The following DNAAF5 variants were observed in gnomAD, a reference collection of about 807,000 sequenced individuals.
The protein encoded by DNAAF5 is HEAT repeat containing 2.
Under a neutral mutation model 75.8 loss-of-function variants are expected in DNAAF5, and 64 were observed. That is an observed-to-expected ratio of 0.84 (90% CI 0.69 to 1.04). DNAAF5 has a LOEUF of 1.04. Among genes scored for constraint, DNAAF5 ranks in the 50% least tolerant of loss-of-function variants. The pLI, the probability that DNAAF5 is intolerant of heterozygous loss-of-function variation, is 0.00. For synonymous variants in DNAAF5, 657 were observed against 557.2 expected, an observed-to-expected ratio of 1.18 and a Z score of -2.52; for missense variants, 1,269 against 1,178.5, an observed-to-expected ratio of 1.08 and a Z score of -1.12.
chr7:737,436 G>A (rs1781771738), intron 2 of DNAAF5, among the ~76,000 whole-genome samples: 1 of 152,166 alleles, frequency 6.6e-6, no homozygotes, highest in African/African-American at 2.4e-5. Context: ...AGTCTTTCTA[G>A]TCAAGATGTG....
chr7:750,894 G>T, intron 4 of DNAAF5: 1 of 167,024 alleles, frequency 6.0e-6, no homozygotes. Flanking sequence ...GAAGAAAGGT[G>T]CAGCTGGGCG....
intron 4 of DNAAF5, among the ~76,000 whole-genome samples, chr7:745,290 C>G (rs1044636154): frequency 4.6e-5 from 7 of 152,222 alleles, no homozygotes; most frequent in Non-Finnish European, 8.8e-5. Flanking sequence ...TGGCAGTCCC[C>G]AAGACCCAGG....
At chr7:747,712 T>C (rs1782170201) in intron 4 of DNAAF5, among the ~76,000 whole-genome samples, 1 of 94,970 alleles carries the variant, frequency 1.1e-5, no homozygotes, top group Admixed American at 1.1e-4. Flanking sequence ...ACGGTGTTGG[T>C]GGGGTTTGCT....
At chr7:777,610 T>A (rs1299456391) in intron 11 of DNAAF5, among the ~76,000 whole-genome samples, 2 of 152,270 alleles carry the variant, frequency 1.3e-5, no homozygotes, top group South Asian at 2.1e-4. Context: ...CGTTCCTGAT[T>A]AGCTCTACTT....
intron 4 of DNAAF5, among the ~76,000 whole-genome samples, chr7:744,845 C>T (rs991848596): frequency 4.6e-5 from 7 of 152,104 alleles, no homozygotes; most frequent in Non-Finnish European, 1.0e-4. Flanking sequence ...TCAGGTGATC[C>T]GCCTGCCTCA....
chr7:755,430 C>T (rs775286124), intron 5 of DNAAF5, among the ~76,000 whole-genome samples: 1 of 152,228 alleles, frequency 6.6e-6, no homozygotes, highest in Non-Finnish European at 1.5e-5. Context: ...GGACTTCACA[C>T]CCACCTCACA....
Position 726,898 on chromosome 7 carries a change from C to G in DNAAF5, c.178C>G (p.Pro60Ala). ...GGCCCTGCGGCGCGCGCTGGAGGAG[C>G]CAGGCCCTGCCGCCGACCCCACCGC... The part of the protein sequence containing the change: ...LEALRRALEE[P>A]GPAADPTAFQ... Residue 60 changes from proline (P) to alanine (A), a missense_variant, in exon 1 of 13, where the codon CCA (proline) becomes GCA (alanine). Pro to Ala is a conservative substitution (Grantham distance 27). Transcript: ENST00000297440. The G allele has an allele frequency of 7.4e-7, 1 of 1,344,392 alleles. No homozygotes were observed. 83.3% of individuals were successfully genotyped at this position (1,344,392 alleles called of 1,614,324 possible).
At chr7:758,747 A>G (rs1024721563) in intron 6 of DNAAF5, among the ~76,000 whole-genome samples, 2 of 151,990 alleles carry the variant, frequency 1.3e-5, no homozygotes, top group Non-Finnish European at 2.9e-5. Context: ...CAGTGGCGCA[A>G]TCTTGGCTCA....
intron 1 of DNAAF5, 120 bp downstream of exon 1, chr7:727,435 C>G (rs1424287847): frequency 9.2e-6 from 4 of 434,048 alleles, no homozygotes; most frequent in South Asian, 1.2e-4. Context: ...CCCGCACCCC[C>G]CAACATCCCG....
At chr7:744,072 A>G (rs1362414537) in intron 4 of DNAAF5, among the ~76,000 whole-genome samples, 1 of 151,854 alleles carries the variant, frequency 6.6e-6, no homozygotes, top group Non-Finnish European at 1.5e-5. Flanking sequence ...TATATCTCCT[A>G]ATGCTATCCC....
In DNAAF5 at chr7:735,053, C is replaced by T. The variant is rs945017785; in HGVS notation, c.780+5206C>T. Among the ~76,000 whole-genome samples the T allele has an allele frequency of 1.7e-3, 209 of 126,622 alleles. No individual in the cohort carries two copies. The Middle Eastern group carries it at 0.021, about 13-fold the overall frequency. The allele number at this position is 126,622 out of a possible 152,430, so 83.1% of individuals were successfully genotyped here. On this transcript the variant is annotated intron_variant, in intron 2 of 12. Coordinates refer to ENST00000297440, the MANE Select transcript of DNAAF5 (RefSeq NM_017802.4). ...TAGCTGCTCACGGTGTAGCTGCTCACAGTGTCGTTGCTCATATTGTAGTTG... is the reference window on the plus strand; with the variant it reads ...TAGCTGCTCACGGTGTAGCTGCTCATAGTGTCGTTGCTCATATTGTAGTTG...
chr7:726,979 G>T lies in DNAAF5; in HGVS notation c.259G>T (p.Asp87Tyr), dbSNP rs929444289. The T allele has an allele frequency of 1.2e-5, 15 of 1,294,574 alleles. No individual in the cohort carries two copies. Among genetic ancestry groups the T allele is most frequent in the South Asian group, 1.9e-5 (1 of 52,090 alleles). The allele number at this position is 1,294,574 out of a possible 1,614,324, so 80.2% of individuals were successfully genotyped here. Residue 87 changes from aspartate to tyrosine, a missense_variant, in exon 1 of 13, where the codon GAC becomes TAC. Physicochemically the swap from Asp to Tyr is radical, Grantham distance 160. Transcript: ENST00000297440. ...LLPRLLRCLS[D>Y]PAEGCRALAV... The stretch of plus-strand genomic sequence containing the variant: ...GCCGCGCTTGCTGCGCTGCCTGAGC[G>T]ACCCCGCCGAGGGCTGCCGCGCGCT...
At chr7:757,527 C>G (rs1782525840) in intron 6 of DNAAF5, among the ~76,000 whole-genome samples, 1 of 152,260 alleles carries the variant, frequency 6.6e-6, no homozygotes, top group Admixed American at 6.5e-5. Flanking sequence ...GCCTGGCGTT[C>G]CGATCTGTGC....
At chr7:769,456 G>A (rs1778479215) in intron 8 of DNAAF5, among the ~76,000 whole-genome samples, 1 of 152,212 alleles carries the variant, frequency 6.6e-6, no homozygotes, top group South Asian at 2.1e-4. Flanking sequence ...GATGCACAGT[G>A]CAGGCGCCCA....
At chr7:748,317 C>T (rs1335448091) in intron 4 of DNAAF5, among the ~76,000 whole-genome samples, 6 of 150,822 alleles carry the variant, frequency 4.0e-5, no homozygotes, top group East Asian at 3.9e-4. Flanking sequence ...TCAGCGTGTC[C>T]GGCTAGTGTG....
intron 8 of DNAAF5, among the ~76,000 whole-genome samples, chr7:767,365 G>A (rs1223266884): frequency 3.3e-5 from 5 of 152,068 alleles, no homozygotes; most frequent in Non-Finnish European, 5.9e-5. Flanking sequence ...GGGACGCTGC[G>A]CATCTGGAAT....
At chr7:738,296 C>G (rs1401164521) in intron 2 of DNAAF5, among the ~76,000 whole-genome samples, 1 of 152,120 alleles carries the variant, frequency 6.6e-6, no homozygotes, top group Non-Finnish European at 1.5e-5. Context: ...GTTAATTTCT[C>G]TGATAGGATT....
chr7:735,181 G>A (rs1245232666), intron 2 of DNAAF5, among the ~76,000 whole-genome samples: 1 of 150,936 alleles, frequency 6.6e-6, no homozygotes, highest in Middle Eastern at 3.4e-3. Flanking sequence ...GCTGCTCATG[G>A]TGTAGCTGCT....
chr7:750,613 A>G (rs1782263514), intron 4 of DNAAF5, among the ~76,000 whole-genome samples: 1 of 152,104 alleles, frequency 6.6e-6, no homozygotes, highest in Admixed American at 6.5e-5. Flanking sequence ...GCCGCCACTG[A>G]TCTGACAGGA....
Sources: allele counts gnomAD v4.1 joint callset (sites outside exome capture counted in the v4.1 genomes callset), GRCh38; gene constraint gnomAD v4.1.1; transcripts MANE v1.5; gene names NCBI Gene and HGNC (gene_info 2026-07-23, HGNC 2026-07-21).